Variants in ZNF536 observed in about 807,000 individuals in gnomAD.
ZNF536 encodes the protein zinc finger protein 536.
A neutral mutation model predicts 84.5 loss-of-function variants in ZNF536; 13 were observed. The ratio of observed to expected loss-of-function variants is 0.15; its 90% confidence interval spans 0.10 to 0.24. The LOEUF is 0.24. Among genes scored for constraint, ZNF536 ranks in the 10% least tolerant of loss-of-function variants. The probability of loss-of-function intolerance (pLI) is 1.00; values close to 1 mark genes in which losing one functional copy is unlikely to be tolerated. For missense variants in ZNF536, 1,536 were observed against 1,747.5 expected, an observed-to-expected ratio of 0.88 and a Z score of 2.16; for synonymous variants, 811 against 742.5, an observed-to-expected ratio of 1.09 and a Z score of -1.50.
At chr19:30,694,587 G>T (rs1398463983) in intron 1 of ZNF536, among the ~76,000 whole-genome samples, 1 of 152,182 alleles carries the variant, frequency 6.6e-6, no homozygotes, top group African/African-American at 2.4e-5. Flanking sequence ...GGAAGATCTT[G>T]CCAGACCTCC....
chr19:30,344,150 G>A (rs1473249730), intron 2 of ZNF536, among the ~76,000 whole-genome samples: 2 of 151,544 alleles, frequency 1.3e-5, no homozygotes, highest in East Asian at 2.0e-4. Flanking sequence ...CCCCCAGTTG[G>A]CAGACAAGGA....
intron 4 of ZNF536, chr19:30,554,552 G>C (rs542967782): frequency 6.6e-6 from 1 of 152,268 alleles, no homozygotes; most frequent in South Asian, 2.1e-4. Flanking sequence ...ACCGCGCCTG[G>C]CCAATACCTA....
chr19:30,438,746 T>C (rs1361064546), intron 1 of ZNF536, among the ~76,000 whole-genome samples: 1 of 152,184 alleles, frequency 6.6e-6, no homozygotes, highest in Non-Finnish European at 1.5e-5. Flanking sequence ...GTACGGATCA[T>C]AGCTCACTGC....
chr19:30,481,834 C>A (rs2054102103), intron 2 of ZNF536, among the ~76,000 whole-genome samples: 1 of 151,930 alleles, frequency 6.6e-6, no homozygotes, highest in African/African-American at 2.4e-5. Flanking sequence ...CCCGCCCTCA[C>A]CACCTCCCCA....
At chr19:30,457,441 T>C (rs1241907358) in intron 2 of ZNF536, among the ~76,000 whole-genome samples, 1 of 152,166 alleles carries the variant, frequency 6.6e-6, no homozygotes, top group South Asian at 2.1e-4. Flanking sequence ...CAGTGGGTGC[T>C]TCCCAGGAAG....
chr19:30,319,707 G>A (rs2046793825), intron 2 of ZNF536, among the ~76,000 whole-genome samples: 1 of 152,184 alleles, frequency 6.6e-6, no homozygotes, highest in Non-Finnish European at 1.5e-5. Flanking sequence ...CCTTCTTAAA[G>A]GCAAGATTGC....
At chr19:30,481,082 A>G (rs890264204) in intron 2 of ZNF536, among the ~76,000 whole-genome samples, 3 of 151,364 alleles carry the variant, frequency 2.0e-5, no homozygotes, top group Admixed American at 6.6e-5. Context: ...CCTTAATACT[A>G]TATTTTTTCT....
chr19:30,308,205 C>T (rs963042381), intron 2 of ZNF536, among the ~76,000 whole-genome samples: 4 of 152,072 alleles, frequency 2.6e-5, no homozygotes, highest in Admixed American at 6.6e-5. Flanking sequence ...GTTTCAGGGA[C>T]AGAAGTGTAT....
chr19:30,412,905 T>C (rs1218373224), intron 1 of ZNF536, among the ~76,000 whole-genome samples: 1 of 152,112 alleles, frequency 6.6e-6, no homozygotes, highest in East Asian at 1.9e-4. Context: ...TTAAATTTCT[T>C]CTATAGTTAT....
chr19:30,427,201 C>G (rs2051252548), intron 1 of ZNF536, among the ~76,000 whole-genome samples: 1 of 152,208 alleles, frequency 6.6e-6, no homozygotes, highest in Non-Finnish European at 1.5e-5. Context: ...TTCTCTTGCT[C>G]TGCCATCCTC....
chr19:30,461,535 A>G (rs893975097), intron 2 of ZNF536, among the ~76,000 whole-genome samples: 2 of 152,078 alleles, frequency 1.3e-5, no homozygotes, highest in African/African-American at 4.8e-5. Context: ...CTTAGGCTTG[A>G]GGTGACCCCC....
chr19:30,315,460 C>G (rs150831322), intron 2 of ZNF536, among the ~76,000 whole-genome samples: 12 of 152,122 alleles, frequency 7.9e-5, no homozygotes, highest in African/African-American at 2.4e-4. Context: ...GAGCCACCCC[C>G]CTCTGGGCCC....
At chr19:30,497,103 A>G (rs999020992) in intron 2 of ZNF536, among the ~76,000 whole-genome samples, 2 of 152,312 alleles carry the variant, frequency 1.3e-5, no homozygotes, top group African/African-American at 2.4e-5. Flanking sequence ...GAGCGTCTGC[A>G]GGTGCTGACA....
At chr19:30,371,851 G>A (rs563068664), upstream of ZNF536, among the ~76,000 whole-genome samples, 5 of 151,690 alleles carry the variant, frequency 3.3e-5, no homozygotes, top group South Asian at 6.2e-4. Flanking sequence ...TATATAAAGA[G>A]AGAATATATA....
intron 1 of ZNF536, among the ~76,000 whole-genome samples, chr19:30,584,214 A>C (rs889055958): frequency 6.6e-6 from 1 of 151,668 alleles, no homozygotes; most frequent in East Asian, 1.9e-4. Flanking sequence ...TCTGGGCTCC[A>C]CCTCCTGTAT....
At chr19:30,274,930 T>C (rs4805538) in intron 1 of ZNF536, among the ~76,000 whole-genome samples, 49,652 of 152,180 alleles carry the variant, frequency 0.33, 10,101 homozygotes, top group East Asian at 0.62. Flanking sequence ...GCGATACGTA[T>C]GTTGAGTTCA....
chr19:30,458,567 C>T (rs1479875178), intron 2 of ZNF536, among the ~76,000 whole-genome samples: 1 of 149,546 alleles, frequency 6.7e-6, no homozygotes, highest in Non-Finnish European at 1.5e-5. Flanking sequence ...ATTTTCCTGC[C>T]TCAGCCTCCC....
At chr19:30,651,873 TTG>T (rs199650973) in intron 1 of ZNF536, among the ~76,000 whole-genome samples, 5 of 152,170 alleles carry the variant, frequency 3.3e-5, no homozygotes, top group African/African-American at 9.6e-5. Context: ...AACAGAAGCT[TTG>T]TGTGTGTGTG....
chr19:30,607,810 C>T (rs1342735768), intron 1 of ZNF536, among the ~76,000 whole-genome samples: 1 of 151,506 alleles, frequency 6.6e-6, no homozygotes, highest in Non-Finnish European at 1.5e-5. Context: ...CTTTATAGTC[C>T]TATTATTTTT....
Sources: allele counts gnomAD v4.1 joint callset (sites outside exome capture counted in the v4.1 genomes callset), GRCh38; gene constraint gnomAD v4.1.1; transcripts MANE v1.5; gene names NCBI Gene and HGNC (gene_info 2026-07-23, HGNC 2026-07-21).